Variants in AFF1 observed in about 807,000 individuals in gnomAD.
AFF1 encodes the protein AF4/FMR2 family member 1.
Under a neutral mutation model 121.7 loss-of-function variants are expected in AFF1, and 48 were observed. The observed-to-expected ratio is 0.39, with a 90% CI of 0.31 to 0.50. The LOEUF (loss-of-function observed/expected upper bound fraction) is 0.50, where lower values mean the gene tolerates loss of function less well. Ranked by LOEUF, AFF1 falls within the 20% of genes least tolerant of loss-of-function variation. The pLI is 0.76. For synonymous variants in AFF1, 613 were observed against 563.0 expected, an observed-to-expected ratio of 1.09 and a Z score of -1.26; for missense variants, 1,523 against 1,511.7, an observed-to-expected ratio of 1.01 and a Z score of -0.12.
intron 2 of AFF1, among the ~76,000 whole-genome samples, chr4:87,013,165 G>A (rs902399404): frequency 3.3e-5 from 5 of 150,564 alleles, no homozygotes; most frequent in Admixed American, 6.6e-5. Context: ...CTCAGCCTCC[G>A]GAGTAGCTGG....
At chr4:87,074,011 A>G (rs1722403669) in intron 4 of AFF1, among the ~76,000 whole-genome samples, 1 of 151,930 alleles carries the variant, frequency 6.6e-6, no homozygotes, top group African/African-American at 2.4e-5. Flanking sequence ...GTAGGACTGG[A>G]TGGGGTGGGT....
chr4:87,025,557 A>T (rs1358909743), intron 2 of AFF1, among the ~76,000 whole-genome samples: 1 of 152,200 alleles, frequency 6.6e-6, no homozygotes, highest in African/African-American at 2.4e-5. Context: ...CTCATTCTCT[A>T]CAGGGGTGGT....
chr4:86,958,547 C>T (rs139105416), intron 2 of AFF1, among the ~76,000 whole-genome samples: 9 of 151,952 alleles, frequency 5.9e-5, no homozygotes, highest in African/African-American at 1.9e-4. Context: ...GGTGAAACCC[C>T]GTCTCTACTG....
At chr4:87,032,307 C>T (rs1729156508) in intron 2 of AFF1, among the ~76,000 whole-genome samples, 3 of 152,284 alleles carry the variant, frequency 2.0e-5, no homozygotes, top group Middle Eastern at 3.4e-3. Flanking sequence ...CCCTGTTCTT[C>T]CTACTTGAAA....
At chr4:87,030,670 C>T (rs1421777855) in intron 2 of AFF1, among the ~76,000 whole-genome samples, 3 of 151,334 alleles carry the variant, frequency 2.0e-5, no homozygotes, top group East Asian at 3.9e-4. Flanking sequence ...TTTTCTTCCC[C>T]GTTCCATTTC....
chr4:86,963,166 CAAAAA>C (rs11341612), intron 2 of AFF1, among the ~76,000 whole-genome samples: 34 of 63,294 alleles, frequency 5.4e-4, no homozygotes, highest in East Asian at 2.5e-3. Flanking sequence ...ACTCCCATCT[CAAAAA>C]AAAAAAAAAA....
intron 2 of AFF1, among the ~76,000 whole-genome samples, chr4:87,044,634 A>C (rs1481661969): frequency 6.6e-6 from 1 of 152,172 alleles, no homozygotes; most frequent in African/African-American, 2.4e-5. Context: ...AAAGTCTAGG[A>C]TATCACTGAG....
intron 2 of AFF1, among the ~76,000 whole-genome samples, chr4:86,949,382 T>C (rs1054533587): frequency 1.3e-5 from 2 of 150,826 alleles, no homozygotes; most frequent in African/African-American, 4.8e-5. Context: ...CCCAAAGTGC[T>C]GGAATTACAG....
intron 2 of AFF1, among the ~76,000 whole-genome samples, chr4:86,959,371 T>TA (rs1435365254): frequency 6.6e-6 from 1 of 152,178 alleles, no homozygotes; most frequent in Non-Finnish European, 1.5e-5. Context: ...AAGTTTACAT[T>TA]AAAAAAAGAA....
At chr4:87,128,536 G>C (rs920973607) in intron 16 of AFF1, among the ~76,000 whole-genome samples, 1 of 152,172 alleles carries the variant, frequency 6.6e-6, no homozygotes, top group Non-Finnish European at 1.5e-5. Context: ...GGTACACAGA[G>C]GAAGGGCATG....
intron 2 of AFF1, among the ~76,000 whole-genome samples, chr4:87,000,305 T>C (rs6531945): frequency 0.94 from 142,586 of 152,250 alleles, 67,104 homozygotes; most frequent in Non-Finnish European, 0.98. Context: ...ATAGCCAGCC[T>C]AAACTTCTCA....
intron 4 of AFF1, among the ~76,000 whole-genome samples, chr4:87,059,455 C>T (rs1720501966): frequency 6.6e-6 from 1 of 152,138 alleles, no homozygotes; most frequent in Admixed American, 6.6e-5. Context: ...TTTCTCTGTC[C>T]CTCATTTAGT....
intron 10 of AFF1, among the ~76,000 whole-genome samples, chr4:87,106,575 T>C (rs2149747955): frequency 6.6e-6 from 1 of 152,084 alleles, no homozygotes; most frequent in Middle Eastern, 3.4e-3. Context: ...ATTTTCATAT[T>C]GTTTCAGCTG....
chr4:87,000,762 T>C (rs1462174218), intron 2 of AFF1, among the ~76,000 whole-genome samples: 1 of 151,972 alleles, frequency 6.6e-6, no homozygotes, highest in Non-Finnish European at 1.5e-5. Flanking sequence ...GTTTTATTAA[T>C]GCACAAATAG....
chr4:87,064,139 T>A (rs1476956361), intron 4 of AFF1, among the ~76,000 whole-genome samples: 1 of 152,246 alleles, frequency 6.6e-6, no homozygotes, highest in African/African-American at 2.4e-5. Context: ...GGCTAGTGTG[T>A]AAAGGGCTTT....
Position 87,135,614 on chromosome 4 carries a change from C to T in AFF1, c.3570C>T (p.Thr1190=), listed in dbSNP as rs772895057. The T allele has an allele frequency of 1.9e-6, 3 of 1,610,928 alleles. No homozygotes were observed. Among genetic ancestry groups the T allele is most frequent in the South Asian group, 1.1e-5 (1 of 90,222 alleles). Residue 1190 remains threonine, a synonymous_variant, in exon 21 of 21, where the codon ACC becomes ACT. Transcript: ENST00000395146. Reference sequence around the variant, plus strand: ...CTCGGCTCAGCACAAATGTGTGCACCTTGGCCCTCAACAGCAGTTTGGTGG... The same window carrying T: ...CTCGGCTCAGCACAAATGTGTGCACTTTGGCCCTCAACAGCAGTTTGGTGG... The part of the protein sequence containing the change: ...FFARLSTNVC[T]LALNSSLVDL...
At chr4:87,076,655 G>GT (rs1722703168) in intron 4 of AFF1, among the ~76,000 whole-genome samples, 2 of 152,294 alleles carry the variant, frequency 1.3e-5, no homozygotes, top group African/African-American at 4.8e-5. Flanking sequence ...TAGCATGGCT[G>GT]TTTTTTGTTG....
rs1191057470 is a variant in AFF1, at chr4:87,077,102, T to C, written c.1060-7018T>C. On this transcript the variant is annotated intron_variant, in intron 4 of 20. Coordinates refer to ENST00000395146, the MANE Select transcript of AFF1 (RefSeq NM_001166693.3). Reference sequence around the variant, plus strand: ...CCTGTAAGATTATGTTCATTTCAAATGTGTCTTCTCACTATGTAAGTATGA... The same window carrying C: ...CCTGTAAGATTATGTTCATTTCAAACGTGTCTTCTCACTATGTAAGTATGA... Among the ~76,000 whole-genome samples, 3 of 152,248 alleles carry C rather than the reference T, an allele frequency of 2.0e-5. No homozygotes were observed. The East Asian group carries it at 5.8e-4, about 29-fold the overall frequency.
chr4:87,070,388 C>G (rs552581839), intron 4 of AFF1, among the ~76,000 whole-genome samples: 2 of 152,240 alleles, frequency 1.3e-5, no homozygotes, highest in Non-Finnish European at 2.9e-5. Flanking sequence ...CCACCTGCCT[C>G]GGCCTCCCAA....
Sources: gnomAD v4.1 joint callset for allele counts (sites outside exome capture counted in the v4.1 genomes callset) on GRCh38, gnomAD v4.1.1 for gene constraint, MANE v1.5 for transcripts, NCBI Gene and HGNC (gene_info 2026-07-23, HGNC 2026-07-21) for gene names.